Variants in CYP39A1 observed in about 807,000 individuals in gnomAD.
CYP39A1 encodes 24-hydroxycholesterol 7-alpha-hydroxylase.
CYP39A1 carries 49 observed loss-of-function variants against 58.1 expected under a neutral mutation model. The observed-to-expected ratio is 0.84, with a 90% CI of 0.67 to 1.07. The LOEUF (loss-of-function observed/expected upper bound fraction) is 1.07, where lower values mean the gene tolerates loss of function less well. CYP39A1 is among the 50% of genes least tolerant of loss of function. The pLI, the probability that CYP39A1 is intolerant of heterozygous loss-of-function variation, is 0.00. For missense variants in CYP39A1, 531 were observed against 539.4 expected (o/e 0.98, Z 0.16); for synonymous variants, 209 against 187.6 (o/e 1.11, Z -0.93).
chr6:46,617,210 A>G (rs1238553063), intron 7 of CYP39A1, among the ~76,000 whole-genome samples: 1 of 152,110 alleles, frequency 6.6e-6, no homozygotes, highest in African/African-American at 2.4e-5. Flanking sequence ...ATATTTTTTG[A>G]ATCAAAAATG....
intron 10 of CYP39A1, among the ~76,000 whole-genome samples, chr6:46,570,799 GCCCCAAGC>G (rs1389708230): frequency 6.6e-6 from 1 of 152,084 alleles, no homozygotes; most frequent in African/African-American, 2.4e-5. Flanking sequence ...CCATAGAAAG[GCCCCAAGC>G]CATTCATGGG....
In CYP39A1 at chr6:46,615,253, T is replaced by C. The variant is rs574801290; in HGVS notation, c.931+10165A>G. On this transcript the variant is annotated intron_variant, in intron 7 of 11. Coordinates refer to ENST00000275016, the MANE Select transcript of CYP39A1 (RefSeq NM_016593.5). ...GTATAAAAAATATATTATATCATTA[T>C]GAACATATATTTTTATAAATATAAA... Among the ~76,000 whole-genome samples, 351 of 151,156 alleles carry C rather than the reference T, an allele frequency of 2.3e-3. 3 individuals are homozygous for C. Among genetic ancestry groups the C allele is most frequent in the South Asian group, 8.1e-3 (39 of 4,812 alleles).
At chr6:46,583,266 A>T in intron 10 of CYP39A1, 3 of 985,362 alleles carry the variant, frequency 3.0e-6, no homozygotes, top group Non-Finnish European at 3.6e-6. Context: ...CTGGAGTTTA[A>T]GCCATATCAA....
intron 10 of CYP39A1, among the ~76,000 whole-genome samples, chr6:46,559,737 T>A (rs1770868003): frequency 6.6e-6 from 1 of 152,204 alleles, no homozygotes; most frequent in Non-Finnish European, 1.5e-5. Flanking sequence ...AATGGATAAC[T>A]AGGTTGTGAA....
chr6:46,633,612 A>T (rs1775784976), intron 5 of CYP39A1, among the ~76,000 whole-genome samples: 1 of 152,194 alleles, frequency 6.6e-6, no homozygotes, highest in African/African-American at 2.4e-5. Context: ...TAATCCCAGC[A>T]GTTCGGGAGG....
chr6:46,564,101 A>AT (rs200089797), intron 10 of CYP39A1, among the ~76,000 whole-genome samples: 19 of 140,620 alleles, frequency 1.4e-4, no homozygotes, highest in East Asian at 8.3e-4. Flanking sequence ...TTTATTTTGT[A>AT]TTTTTTTTAT....
intron 11 of CYP39A1, among the ~76,000 whole-genome samples, chr6:46,550,676 T>G (rs1225316950): frequency 1.3e-5 from 2 of 152,190 alleles, no homozygotes; most frequent in Non-Finnish European, 2.9e-5. Context: ...TGTACACACC[T>G]GAAGGCTATA....
chr6:46,634,148 G>C lies in CYP39A1; in HGVS notation c.732+2241C>G, dbSNP rs191765715. ...TCCAGTGGGAGGTAACCGAATCATG[G>C]GAGCAGGTCTTTCTAGTGCTGTTCT... On this transcript the variant is annotated intron_variant, in intron 5 of 11. Transcript: ENST00000275016. 2.5e-3 allele frequency among the ~76,000 whole-genome samples: 379 copies of C among 152,266 alleles called. 2 individuals carry two copies. Among genetic ancestry groups the C allele is most frequent in the Middle Eastern group, 0.01 (3 of 294 alleles).
At chr6:46,600,469 G>A (rs1773421797) in intron 7 of CYP39A1, among the ~76,000 whole-genome samples, 1 of 152,000 alleles carries the variant, frequency 6.6e-6, no homozygotes, top group African/African-American at 2.4e-5. Flanking sequence ...AGTGACTCTT[G>A]GAAATTAGGG....
In CYP39A1 at chr6:46,571,668, T is replaced by C. The variant is rs577643650; in HGVS notation, c.1250+15409A>G. 9.1e-4 allele frequency among the ~76,000 whole-genome samples: 138 copies of C among 152,108 alleles called. 1 individual carries two copies. Among genetic ancestry groups the C allele is most frequent in the Non-Finnish European group, 1.7e-3 (114 of 67,922 alleles). ...TGGGTATTGTTTTTGTTTGCTTTTT[T>C]TTTTTACCAATTCAGTTATTATGTG... On this transcript the variant is annotated intron_variant, in intron 10 of 11. Transcript: ENST00000275016.
intron 1 of CYP39A1, 25 bp from the exon 2 acceptor site, chr6:46,642,323 T>C (rs1372031452): frequency 1.2e-6 from 2 of 1,601,390 alleles, no homozygotes; most frequent in African/African-American, 1.3e-5. Flanking sequence ...ACATAGATTA[T>C]ATTAGTAAGC....
At chr6:46,574,011 A>G (rs897433725) in intron 10 of CYP39A1, among the ~76,000 whole-genome samples, 15 of 152,322 alleles carry the variant, frequency 9.8e-5, no homozygotes, top group Non-Finnish European at 1.8e-4. Context: ...ACTGATTTCT[A>G]TATTGAAGGA....
At chr6:46,602,345 G>A (rs1773562188) in intron 7 of CYP39A1, among the ~76,000 whole-genome samples, 1 of 152,124 alleles carries the variant, frequency 6.6e-6, no homozygotes, top group South Asian at 2.1e-4. Context: ...CTAGAGAAGT[G>A]GTTCTCAAAT....
rs530323505 is a variant in CYP39A1, at chr6:46,601,575, G to A, written c.932-5455C>T. On this transcript the variant is annotated intron_variant, in intron 7 of 11. Coordinates refer to ENST00000275016, the MANE Select transcript of CYP39A1 (RefSeq NM_016593.5). ...TATAAAATGGAAATACAGAAAGTAC[G>A]TGCCCACAAGGTTGCTGTCAGGATT... Among the ~76,000 whole-genome samples the A allele has an allele frequency of 7.7e-4, 117 of 152,150 alleles. 1 individual carries two copies. In the South Asian group the frequency reaches 0.022, roughly 29 times the overall value.
intron 1 of CYP39A1, among the ~76,000 whole-genome samples, chr6:46,648,297 T>C (rs1203812566): frequency 6.6e-6 from 1 of 151,714 alleles, no homozygotes; most frequent in African/African-American, 2.4e-5. Context: ...ATTAAGAAAA[T>C]GTGGTACATA....
At position 46,588,130 on chromosome 6, in the gene CYP39A1, C is replaced by A; in HGVS notation, c.1066-1G>T. ...AGTCACCAGAAGGAATGATGTAATTCTATAACAGAAAAATCAGCTGCAAAT... is the reference window on the plus strand; with the variant it reads ...AGTCACCAGAAGGAATGATGTAATTATATAACAGAAAAATCAGCTGCAAAT... On this transcript the variant is annotated splice_acceptor_variant, in intron 8 of 11. Coordinates refer to ENST00000275016, the MANE Select transcript of CYP39A1 (RefSeq NM_016593.5). LOFTEE classifies it high-confidence loss of function. 1 of 1,559,672 alleles carries A rather than the reference C, an allele frequency of 6.4e-7. No homozygotes were observed. The highest frequency in any genetic ancestry group is 1.2e-5 in the South Asian group (1 of 81,396).
At chr6:46,637,187 G>A (rs984451675) in intron 4 of CYP39A1, among the ~76,000 whole-genome samples, 1 of 152,150 alleles carries the variant, frequency 6.6e-6, no homozygotes, top group Non-Finnish European at 1.5e-5. Flanking sequence ...CAGACCCCCA[G>A]CCTCCAGGGC....
At chr6:46,606,842 C>T (rs1200331084) in intron 7 of CYP39A1, among the ~76,000 whole-genome samples, 1 of 152,106 alleles carries the variant, frequency 6.6e-6, no homozygotes, top group Non-Finnish European at 1.5e-5. Context: ...AATTCTATTA[C>T]TTTAGCCATT....
In CYP39A1 at chr6:46,652,624, A is replaced by T; in HGVS notation, c.-42T>A. ...TTCCAGAAGCAGAAAAGTGTGAAAC[A>T]GTCCTGCCGTCCCTTGCTTCTTTTC... is the stretch of plus-strand genomic sequence containing the variant. On this transcript the variant is annotated 5_prime_UTR_variant, in exon 1 of 12. Transcript: ENST00000275016. 3.3e-6 allele frequency: 5 copies of T among 1,510,612 alleles called. No homozygotes were observed. The highest frequency in any genetic ancestry group is 4.4e-6 in the Non-Finnish European group (5 of 1,127,188). 93.6% of individuals were successfully genotyped at this position (1,510,612 alleles called of 1,614,324 possible).
Sources: allele counts gnomAD v4.1 joint callset (sites outside exome capture counted in the v4.1 genomes callset), GRCh38; gene constraint gnomAD v4.1.1; transcripts MANE v1.5; gene names NCBI Gene and HGNC (gene_info 2026-07-23, HGNC 2026-07-21).